WNT11: variants seen among roughly 807,000 people sequenced by gnomAD.
WNT11 encodes protein Wnt-11.
A neutral mutation model predicts 35.6 loss-of-function variants in WNT11; 20 were observed. The observed-to-expected ratio is 0.56, with a 90% CI of 0.40 to 0.82. The LOEUF (loss-of-function observed/expected upper bound fraction) is 0.82, where lower values mean the gene tolerates loss of function less well. Among genes scored for constraint, WNT11 ranks in the 40% least tolerant of loss-of-function variants. WNT11 has a pLI of 0.00. For missense variants in WNT11, 459 were observed against 504.4 expected, an observed-to-expected ratio of 0.91 and a Z score of 0.86; for synonymous variants, 200 against 211.9, an observed-to-expected ratio of 0.94 and a Z score of 0.49.
rs1033955252 is a variant in WNT11 at position 76,194,458 on chromosome 11, G to T, written c.597+109C>A. The T allele has an allele frequency of 5.3e-5, 71 of 1,327,982 alleles. No individual in the cohort carries two copies. Among genetic ancestry groups the T allele is most frequent in the Non-Finnish European group, 7.0e-5 (69 of 981,378 alleles). 82.3% of individuals were successfully genotyped at this position (1,327,982 alleles called of 1,614,324 possible). A position where few individuals can be genotyped will look rare whatever the true frequency, so the allele number is the denominator to read the frequency against. ...TGCGAGGCACATCAGGTGTGGGCCA[G>T]TCAGGGCCCGTCCCCCCGCACCCCC... is the stretch of plus-strand genomic sequence containing the variant. On this transcript the variant is annotated intron_variant, in intron 3 of 4. Coordinates refer to ENST00000322563, the MANE Select transcript of WNT11 (RefSeq NM_004626.3). This position sits in a 1 kb window ranked among gnomAD's most constrained non-coding sequence, Gnocchi z 5.4.
At position 76,186,330 on chromosome 11, in the gene WNT11, T is replaced by C. The variant is rs17749202; in HGVS notation, c.*735A>G. The C allele has an allele frequency of 0.29, 43,482 of 151,762 alleles. 6,656 individuals carry two copies. Among genetic ancestry groups the C allele is most frequent in the Middle Eastern group, 0.35 (99 of 286 alleles). 9.4% of individuals were successfully genotyped at this position (151,762 alleles called of 1,614,324 possible). Reference sequence around the variant, plus strand: ...GACATCAATCGGAAGCCGCCTTGCCTGGAAACTGGAGAGCTCCCTCTGCCA... The same window carrying C: ...GACATCAATCGGAAGCCGCCTTGCCCGGAAACTGGAGAGCTCCCTCTGCCA... On this transcript the variant is annotated 3_prime_UTR_variant, in exon 5 of 5. Coordinates refer to ENST00000322563, the MANE Select transcript of WNT11 (RefSeq NM_004626.3).
intron 1 of WNT11, among the ~76,000 whole-genome samples, chr11:76,198,112 G>A (rs928693390): frequency 6.6e-6 from 1 of 152,208 alleles, no homozygotes; most frequent in African/African-American, 2.4e-5. Context: ...GAGTTCTGAG[G>A]GAGGCAGCCC....
At chr11:76,199,145 T>C (rs1440954893) in intron 1 of WNT11, among the ~76,000 whole-genome samples, 1 of 151,508 alleles carries the variant, frequency 6.6e-6, no homozygotes, top group African/African-American at 2.4e-5. Flanking sequence ...AAAAATAAAA[T>C]AAAATAAATT....
chr11:76,202,723 GGAA>G (rs1432431058), intron 1 of WNT11, among the ~76,000 whole-genome samples: 17 of 152,310 alleles, frequency 1.1e-4, no homozygotes, highest in Middle Eastern at 3.4e-3. Context: ...TGCCCGTTCA[GGAA>G]GAAGAAGCCC....
At chr11:76,206,507 G>C (rs1953477873), upstream of WNT11, 1 of 1,244,392 alleles carries the variant, frequency 8.0e-7, no homozygotes, top group East Asian at 3.3e-5. Flanking sequence ...GCCTGCAGCC[G>C]GGGAGAGCGG....
chr11:76,204,769 C>T (rs751963927), intron 1 of WNT11, among the ~76,000 whole-genome samples: 1 of 151,980 alleles, frequency 6.6e-6, no homozygotes, highest in African/African-American at 2.4e-5. Context: ...TGGGGGCTTG[C>T]GTGCATCATG....
rs183849351 is a variant in WNT11, at chr11:76,205,805, C to A, written c.83+520G>T. 1.4e-4 allele frequency among the ~76,000 whole-genome samples: 22 copies of A among 152,320 alleles called. 1 individual carries two copies. The highest frequency in any genetic ancestry group is 1.4e-3 in the Admixed American group (21 of 15,306). ...ACAGCTTCTGAGGTCCTTTCAGGAG[C>A]CTCTTCTCATCTGATTTGAGGGAGG... is the stretch of plus-strand genomic sequence containing the variant. On this transcript the variant is annotated intron_variant, in intron 1 of 4. Coordinates refer to ENST00000322563, the MANE Select transcript of WNT11 (RefSeq NM_004626.3).
At chr11:76,206,217 G>A in intron 1 of WNT11, 108 bp downstream of exon 1, 1 of 1,067,740 alleles carries the variant, frequency 9.4e-7, no homozygotes, top group Non-Finnish European at 1.2e-6. Flanking sequence ...CGCCAAGCCA[G>A]CTTAGGCTCC....
intron 1 of WNT11, among the ~76,000 whole-genome samples, chr11:76,205,518 C>G (rs779542631): frequency 4.6e-5 from 7 of 152,232 alleles, no homozygotes; most frequent in Non-Finnish European, 8.8e-5. Context: ...GGCTTCCTTC[C>G]TCTAGGCCTC....
At chr11:76,191,511 C>T (rs547155066) in intron 4 of WNT11, 53 bp downstream of exon 4, 3 of 1,566,708 alleles carry the variant, frequency 1.9e-6, no homozygotes, top group Non-Finnish European at 8.7e-7. Context: ...AGCTGGGGAA[C>T]AGTATGTGCA....
intron 4 of WNT11, 37 bp downstream of exon 4, chr11:76,191,527 A>T (rs2508779): frequency 1.3e-6 from 2 of 1,593,176 alleles, no homozygotes; most frequent in South Asian, 2.3e-5. Flanking sequence ...GTGCAACACC[A>T]GTGACCCTTT....
At chr11:76,202,617 CTCT>C (rs923566534) in intron 1 of WNT11, among the ~76,000 whole-genome samples, 2 of 152,188 alleles carry the variant, frequency 1.3e-5, no homozygotes, top group Non-Finnish European at 2.9e-5. Flanking sequence ...CCTCAATTAA[CTCT>C]TCAATTAGGC....
chr11:76,197,039 C>G (rs3781730), intron 1 of WNT11, among the ~76,000 whole-genome samples: 1 of 152,194 alleles, frequency 6.6e-6, no homozygotes. Context: ...CAAAGCTCAC[C>G]TCCACCACCT....
At chr11:76,208,634 G>A (rs1203937443), upstream of WNT11, among the ~76,000 whole-genome samples, 2 of 152,194 alleles carry the variant, frequency 1.3e-5, no homozygotes, top group African/African-American at 4.8e-5. Flanking sequence ...GCAAGAGGAC[G>A]GAGGCGCGCG....
chr11:76,198,498 G>T (rs1405993153), intron 1 of WNT11, among the ~76,000 whole-genome samples: 1 of 152,194 alleles, frequency 6.6e-6, no homozygotes, highest in Non-Finnish European at 1.5e-5. Context: ...TCTCTGAAAG[G>T]AACTGTCTTG....
Position 76,191,654 on chromosome 11 carries a change from G to C in WNT11, c.800C>G (p.Pro267Arg). ...ATAGACGAGTTCCGAGTCCTTCACA[G>C]GCCGGATATCCAGGTCCTTGGGCAC... ...HLVPKDLDIR[P>R]VKDSELVYLQ... Residue 267 changes from proline (P) to arginine (R), a missense_variant, in exon 4 of 5, where the codon CCT becomes CGT. Transcript: ENST00000322563. 2 of 1,614,070 alleles carry C rather than the reference G, an allele frequency of 1.2e-6. No homozygotes were observed. Among genetic ancestry groups the C allele is most frequent in the Non-Finnish European group, 1.7e-6 (2 of 1,180,034 alleles).
chr11:76,187,394 C>A (rs1052994294), intron 4 of WNT11, among the ~76,000 whole-genome samples, 155 bp from the exon 5 acceptor site: 6 of 152,210 alleles, frequency 3.9e-5, no homozygotes, highest in African/African-American at 1.2e-4. Flanking sequence ...TTTAAATAAT[C>A]CTCTTACCTA....
intron 3 of WNT11, among the ~76,000 whole-genome samples, chr11:76,192,718 G>A (rs752481171): frequency 1.2e-4 from 18 of 152,210 alleles, no homozygotes; most frequent in East Asian, 1.9e-4. Flanking sequence ...AAAAGGACTC[G>A]GGCCCACCAG....
In WNT11 at chr11:76,188,375, G is replaced by T. The variant is rs552538798; in HGVS notation, c.891-1136C>A. Among the ~76,000 whole-genome samples, 7 of 152,376 alleles carry T rather than the reference G, an allele frequency of 4.6e-5. No homozygotes were observed. In the East Asian group the frequency reaches 1.3e-3, roughly 29 times the overall value. ...GGGTGGGGCATGGGAGCCAGCAGGG[G>T]CTGCATTTCTTCCCAAATGTGGGAT... On this transcript the variant is annotated intron_variant, in intron 4 of 4. Coordinates refer to ENST00000322563, the MANE Select transcript of WNT11 (RefSeq NM_004626.3).
Sources: gnomAD v4.1 joint callset for allele counts (sites outside exome capture counted in the v4.1 genomes callset) on GRCh38, gnomAD v4.1.1 for gene constraint, Gnocchi (gnomAD v3.1) non-coding constraint, MANE v1.5 for transcripts, NCBI Gene and HGNC (gene_info 2026-07-23, HGNC 2026-07-21) for gene names.